DSCAM: variants seen among roughly 807,000 people sequenced by gnomAD.
DSCAM encodes cell adhesion molecule DSCAM.
A neutral mutation model predicts 217.7 loss-of-function variants in DSCAM; 47 were observed. That is an observed-to-expected ratio of 0.22 (90% CI 0.17 to 0.28). The LOEUF (loss-of-function observed/expected upper bound fraction) is 0.28, where lower values mean the gene tolerates loss of function less well. Ranked by LOEUF, DSCAM falls within the 10% of genes least tolerant of loss-of-function variation. The probability of loss-of-function intolerance (pLI) is 1.00; values close to 1 mark genes in which losing one functional copy is unlikely to be tolerated. For missense variants in DSCAM, 2,080 were observed against 2,618.3 expected (o/e 0.79, Z 4.49); for synonymous variants, 1,056 against 1,015.3 (o/e 1.04, Z -0.76).
chr21:40,691,030 A>T (rs911078598), intron 3 of DSCAM, among the ~76,000 whole-genome samples: 2 of 152,202 alleles, frequency 1.3e-5, no homozygotes, highest in Non-Finnish European at 2.9e-5. Flanking sequence ...ACAAACCCCC[A>T]TGACACAAGT....
chr21:40,452,590 A>G (rs1212786835), intron 3 of DSCAM, among the ~76,000 whole-genome samples: 1 of 152,200 alleles, frequency 6.6e-6, no homozygotes, highest in Non-Finnish European at 1.5e-5. Context: ...GCAAACTTCT[A>G]TATTCTATTT....
At chr21:40,536,441 C>G (rs562539831) in intron 3 of DSCAM, among the ~76,000 whole-genome samples, 3,198 of 149,674 alleles carry the variant, frequency 0.021, 112 homozygotes, top group African/African-American at 0.055. Flanking sequence ...TCGCTGTGTC[C>G]CCCAGGCTGG....
intron 1 of DSCAM, among the ~76,000 whole-genome samples, chr21:40,742,109 T>G (rs1195400893): frequency 6.6e-6 from 1 of 152,188 alleles, no homozygotes; most frequent in Non-Finnish European, 1.5e-5. Flanking sequence ...CATCTGAGGT[T>G]GAAGTCCAAG....
At chr21:40,022,348 A>AT (rs1369412887) in intron 32 of DSCAM, among the ~76,000 whole-genome samples, 5 of 152,236 alleles carry the variant, frequency 3.3e-5, no homozygotes, top group Non-Finnish European at 7.3e-5. Flanking sequence ...GCCACGAAGA[A>AT]TGATCTGGCT....
At chr21:40,627,581 A>ATAC (rs2089618882) in intron 3 of DSCAM, among the ~76,000 whole-genome samples, 1 of 152,208 alleles carries the variant, frequency 6.6e-6, no homozygotes. Flanking sequence ...TCACCTTGAA[A>ATAC]TACAACAAAA....
At chr21:40,102,054 G>C (rs879615411) in intron 20 of DSCAM, among the ~76,000 whole-genome samples, 1 of 151,332 alleles carries the variant, frequency 6.6e-6, no homozygotes. Flanking sequence ...GCAAGTTCCT[G>C]CCCCCGGGGA....
At chr21:40,189,259 C>T in intron 11 of DSCAM, 21 bp from the exon 12 acceptor site, 1 of 1,531,624 alleles carries the variant, frequency 6.5e-7, no homozygotes, top group Non-Finnish European at 8.8e-7. Context: ...AAAAGGGACA[C>T]AACTTGTTCA....
chr21:40,794,650 C>T (rs2091675270), intron 1 of DSCAM, among the ~76,000 whole-genome samples: 1 of 150,906 alleles, frequency 6.6e-6, no homozygotes, highest in Admixed American at 6.6e-5. Flanking sequence ...ACTCCTTCTA[C>T]ACAATAAGAT....
chr21:40,084,582 T>A (rs2089507120), intron 23 of DSCAM, among the ~76,000 whole-genome samples: 1 of 147,766 alleles, frequency 6.8e-6, no homozygotes, highest in Non-Finnish European at 1.5e-5. Flanking sequence ...GCCTTTGAAC[T>A]GCAGAATATG....
chr21:40,450,492 T>C (rs1426647318), intron 3 of DSCAM, among the ~76,000 whole-genome samples: 1 of 152,314 alleles, frequency 6.6e-6, no homozygotes, highest in Admixed American at 6.5e-5. Context: ...ACAAGCTTGA[T>C]GGCCTTGGAA....
chr21:40,017,688 A>G (rs551784574), intron 32 of DSCAM, among the ~76,000 whole-genome samples: 1 of 151,726 alleles, frequency 6.6e-6, no homozygotes, highest in South Asian at 2.1e-4. Context: ...AGTAGCTGGG[A>G]TTACAGGCAT....
At chr21:40,082,585 C>G (rs1392296934) in intron 24 of DSCAM, among the ~76,000 whole-genome samples, 2 of 152,078 alleles carry the variant, frequency 1.3e-5, no homozygotes, top group Non-Finnish European at 2.9e-5. Context: ...CTATTAATGA[C>G]TCTCTGTGCA....
intron 3 of DSCAM, among the ~76,000 whole-genome samples, chr21:40,437,744 G>A (rs8127367): frequency 0.15 from 22,496 of 152,050 alleles, 1,853 homozygotes; most frequent in Middle Eastern, 0.2. Flanking sequence ...CCAGCTACTC[G>A]GGAGGCTGAG....
intron 11 of DSCAM, among the ~76,000 whole-genome samples, chr21:40,229,088 G>A (rs190237511): frequency 6.6e-6 from 1 of 152,234 alleles, no homozygotes; most frequent in East Asian, 1.9e-4. Context: ...CTGCCACCCA[G>A]GGCCCTAATT....
At chr21:40,473,396 G>A (rs1442780582) in intron 3 of DSCAM, among the ~76,000 whole-genome samples, 2 of 152,184 alleles carry the variant, frequency 1.3e-5, no homozygotes, top group African/African-American at 2.4e-5. Flanking sequence ...TAAATCAAGA[G>A]GGGGCTGAGA....
At chr21:40,659,283 T>G (rs1292019206) in intron 3 of DSCAM, among the ~76,000 whole-genome samples, 1 of 152,232 alleles carries the variant, frequency 6.6e-6, no homozygotes, top group Admixed American at 6.5e-5. Flanking sequence ...GGTGTACTCC[T>G]GTTCACAGCA....
chr21:40,481,964 T>C (rs531746886), intron 3 of DSCAM, among the ~76,000 whole-genome samples: 15 of 152,324 alleles, frequency 9.8e-5, no homozygotes, highest in African/African-American at 2.6e-4. Flanking sequence ...CTGTCACCCA[T>C]AGAGGCGATT....
At chr21:40,017,475 G>A (rs549297698) in intron 32 of DSCAM, among the ~76,000 whole-genome samples, 40 of 152,258 alleles carry the variant, frequency 2.6e-4, no homozygotes, top group African/African-American at 8.7e-4. Flanking sequence ...TGAAATTAAA[G>A]GCATTCTAAT....
intron 3 of DSCAM, among the ~76,000 whole-genome samples, chr21:40,582,384 A>T (rs969085702): frequency 6.6e-6 from 1 of 152,238 alleles, no homozygotes. Flanking sequence ...GGGACAAAAT[A>T]TACAAATAAA....
Sources: allele counts gnomAD v4.1 joint callset (sites outside exome capture counted in the v4.1 genomes callset), GRCh38; gene constraint gnomAD v4.1.1; transcripts MANE v1.5; gene names NCBI Gene and HGNC (gene_info 2026-07-23, HGNC 2026-07-21).